The following EIF4G3 variants were observed in gnomAD, a reference collection of about 807,000 sequenced individuals.
EIF4G3 encodes the protein eIF-4-gamma 3.
A neutral mutation model predicts 186.4 loss-of-function variants in EIF4G3; 34 were observed. That is an observed-to-expected ratio of 0.18 (90% CI 0.14 to 0.24). EIF4G3 has a LOEUF of 0.24. Ranked by LOEUF, EIF4G3 falls within the 10% of genes least tolerant of loss-of-function variation. The probability of loss-of-function intolerance (pLI) is 1.00; values close to 1 mark genes in which losing one functional copy is unlikely to be tolerated. For synonymous variants in EIF4G3, 673 were observed against 679.5 expected (o/e 0.99, Z 0.15); for missense variants, 1,536 against 1,948.5 (o/e 0.79, Z 3.99).
At chr1:21,173,303 T>C (rs1047113392) in intron 2 of EIF4G3, among the ~76,000 whole-genome samples, 5 of 151,778 alleles carry the variant, frequency 3.3e-5, no homozygotes, top group Admixed American at 1.3e-4. Context: ...TTCAAGCGAT[T>C]CTCCTGCCTT....
chr1:21,136,256 C>T (rs1161250374), intron 2 of EIF4G3, among the ~76,000 whole-genome samples: 1 of 150,930 alleles, frequency 6.6e-6, no homozygotes, highest in Non-Finnish European at 1.5e-5. Flanking sequence ...TGGTGGCTCA[C>T]GCCTGTAATC....
chr1:20,899,956 T>TGGC lies in EIF4G3; in HGVS notation c.1753-14_1753-13insGCC. On this transcript the variant is annotated splice_polypyrimidine_tract_variant and intron_variant, in intron 15 of 36. Coordinates refer to ENST00000602326, the MANE Select transcript of EIF4G3 (RefSeq NM_001391906.1). ...CTTCAGCTTTAAGCTAAATAATAAA[T>TGGC]GAACAAAGAGGTTACATTTTTTTCC... 1.3e-6 allele frequency: 2 copies of TGGC among 1,599,720 alleles called. No homozygotes were observed. Among genetic ancestry groups the TGGC allele is most frequent in the African/African-American group, 2.7e-5 (2 of 73,886 alleles).
At position 21,078,860 on chromosome 1, in the gene EIF4G3, C is replaced by T. The variant is rs114616389; in HGVS notation, c.-196+10278G>A. ...ATTCGCCGGGTATAGTGGCGTGCAC[C>T]GGTAGTCCCAGCTACTATGGAGGCT... On this transcript the variant is annotated intron_variant, in intron 3 of 36. Transcript: ENST00000602326. Among the ~76,000 whole-genome samples the T allele has an allele frequency of 5.7e-3, 874 of 152,180 alleles. 13 individuals carry two copies. The highest frequency in any genetic ancestry group is 0.024 in the East Asian group (124 of 5,158).
rs1425035081 is a variant in EIF4G3 at position 20,810,356 on chromosome 1, G to A, written c.4744+382C>T. Among the ~76,000 whole-genome samples, 1 of 152,022 alleles carries A rather than the reference G, an allele frequency of 6.6e-6. No homozygotes were observed. Among genetic ancestry groups the A allele is most frequent in the Non-Finnish European group, 1.5e-5 (1 of 67,996 alleles). ...TTTTTAGTAGAGACAGGGTTTCACTGTGTTAGCCAGGATGGTCTCGATCTC... is the reference window on the plus strand; with the variant it reads ...TTTTTAGTAGAGACAGGGTTTCACTATGTTAGCCAGGATGGTCTCGATCTC... On this transcript the variant is annotated intron_variant, in intron 36 of 36. Transcript: ENST00000602326. The surrounding 1 kb of genome is among the most constrained non-coding windows in gnomAD (Gnocchi z 4.1).
intron 2 of EIF4G3, among the ~76,000 whole-genome samples, chr1:21,092,931 C>T (rs1048432956): frequency 3.9e-5 from 6 of 152,130 alleles, no homozygotes; most frequent in African/African-American, 9.7e-5. Context: ...CTTCCTTACA[C>T]CTTACACAAA....
chr1:20,821,875 A>G (rs2062461381), intron 33 of EIF4G3, among the ~76,000 whole-genome samples: 1 of 151,518 alleles, frequency 6.6e-6, no homozygotes, highest in African/African-American at 2.4e-5. Flanking sequence ...ACCCTACATT[A>G]TTATTATTAT....
chr1:21,166,947 A>C (rs1045219507), intron 2 of EIF4G3, among the ~76,000 whole-genome samples: 1 of 151,662 alleles, frequency 6.6e-6, no homozygotes, highest in African/African-American at 2.4e-5. Context: ...GCGCCTGGCT[A>C]ATTTTTGTAT....
chr1:21,050,779 T>A, intron 4 of EIF4G3, 87 bp downstream of exon 4: 1 of 648,044 alleles, frequency 1.5e-6, no homozygotes, highest in Non-Finnish European at 2.7e-6. Context: ...TAATGTTTTA[T>A]GTTACTGCTT....
chr1:21,023,540 G>A lies in EIF4G3; in HGVS notation c.-66-20732C>T, dbSNP rs370404458. ...CTCCCGAGGTGCCGGGATGGCAGAC[G>A]GAGTCTTGTTCACTCAGTGCTCAAT... On this transcript the variant is annotated intron_variant, in intron 4 of 36. Transcript: ENST00000602326. Among the ~76,000 whole-genome samples, 48 of 152,156 alleles carry A rather than the reference G, an allele frequency of 3.2e-4. No individual in the cohort carries two copies. In the East Asian group the frequency reaches 4.1e-3, roughly 13 times the overall value.
At chr1:20,948,956 T>C (rs1294636162) in intron 13 of EIF4G3, among the ~76,000 whole-genome samples, 6 of 126,778 alleles carry the variant, frequency 4.7e-5, no homozygotes, top group Non-Finnish European at 7.9e-5. Flanking sequence ...TTGCAGTGAG[T>C]CAAGACTCTG....
At chr1:20,960,363 G>A (rs1007426380) in intron 12 of EIF4G3, among the ~76,000 whole-genome samples, 1 of 152,042 alleles carries the variant, frequency 6.6e-6, no homozygotes, top group African/African-American at 2.4e-5. Flanking sequence ...CTACTCAGGA[G>A]GCTGAGACAG....
rs77211019 is a variant in EIF4G3 at position 21,123,739 on chromosome 1, G to A, written c.-271-34526C>T. 3.6e-3 allele frequency among the ~76,000 whole-genome samples: 552 copies of A among 152,196 alleles called. 6 individuals are homozygous for A. The highest frequency in any genetic ancestry group is 0.013 in the African/African-American group (521 of 41,526). ...CACAGAAAACAAACTTATCTGCAGA[G>A]TTCCTTCCTAGATTATGATTAAGTA... On this transcript the variant is annotated intron_variant, in intron 2 of 36. Transcript: ENST00000602326.
At chr1:20,971,679 C>T (rs1056300675) in intron 11 of EIF4G3, among the ~76,000 whole-genome samples, 1 of 152,222 alleles carries the variant, frequency 6.6e-6, no homozygotes, top group African/African-American at 2.4e-5. Flanking sequence ...CACACTGTTG[C>T]CCAGGCTGGA....
chr1:21,045,293 C>T (rs2093817835), intron 4 of EIF4G3, among the ~76,000 whole-genome samples: 1 of 152,118 alleles, frequency 6.6e-6, no homozygotes, highest in Non-Finnish European at 1.5e-5. Context: ...TCATCCTTTA[C>T]TAATGATGAA....
chr1:20,845,277 T>C (rs1412969501), intron 29 of EIF4G3, among the ~76,000 whole-genome samples: 2 of 152,164 alleles, frequency 1.3e-5, no homozygotes, highest in Non-Finnish European at 2.9e-5. Context: ...AGGTGTGTAG[T>C]CTTATTTCTG....
chr1:21,002,664 A>G, intron 5 of EIF4G3, 49 bp downstream of exon 5: 1 of 1,594,604 alleles, frequency 6.3e-7, no homozygotes, highest in Non-Finnish European at 8.5e-7. Context: ...CACTACACAC[A>G]CAAACACAGG....
intron 3 of EIF4G3, chr1:21,064,390 C>T (rs568501348): frequency 4.6e-5 from 7 of 152,266 alleles, no homozygotes; most frequent in African/African-American, 1.4e-4. Context: ...AGATGTTTAA[C>T]TATAAATATT....
At chr1:20,999,303 T>C (rs992208184) in intron 6 of EIF4G3, 11 of 342,986 alleles carry the variant, frequency 3.2e-5, no homozygotes, top group Admixed American at 7.5e-5. Context: ...TTCAAAGAAA[T>C]TGAGGTCTTG....
At chr1:21,077,735 C>T (rs980034574) in intron 3 of EIF4G3, among the ~76,000 whole-genome samples, 45 of 151,832 alleles carry the variant, frequency 3.0e-4, no homozygotes, top group African/African-American at 9.7e-4. Flanking sequence ...ACAAAATTAG[C>T]CAGGCGTGGT....
Sources: allele counts gnomAD v4.1 joint callset (sites outside exome capture counted in the v4.1 genomes callset), GRCh38; gene constraint gnomAD v4.1.1; non-coding constraint Gnocchi (gnomAD v3.1); transcripts MANE v1.5; gene names NCBI Gene and HGNC (gene_info 2026-07-23, HGNC 2026-07-21).